ARHGDIA: variants seen among roughly 807,000 people sequenced by gnomAD.
ARHGDIA encodes the protein Rho GDP dissociation inhibitor alpha, also known as rho GDP-dissociation inhibitor 1.
In ARHGDIA, 9 loss-of-function variants were observed where a neutral mutation model predicts 25.0. The observed-to-expected ratio is 0.36, with a 90% CI of 0.22 to 0.63. The LOEUF (loss-of-function observed/expected upper bound fraction) is 0.63, where lower values mean the gene tolerates loss of function less well. ARHGDIA is among the 20% of genes least tolerant of loss of function. The pLI is 0.69. For synonymous variants in ARHGDIA, 166 were observed against 111.5 expected (o/e 1.49, Z -3.08); for missense variants, 239 against 264.3 (o/e 0.90, Z 0.66).
In ARHGDIA at chr17:81,868,297, G is replaced by C. The variant is rs2039111664; in HGVS notation, c.*579C>G. 9 of 1,370,216 alleles carry C rather than the reference G, an allele frequency of 6.6e-6. No individual in the cohort carries two copies. Among genetic ancestry groups the C allele is most frequent in the Non-Finnish European group, 8.6e-6 (9 of 1,051,398 alleles). 84.9% of individuals were successfully genotyped at this position (1,370,216 alleles called of 1,614,324 possible). On this transcript the variant is annotated 3_prime_UTR_variant, in exon 6 of 6. Transcript: ENST00000269321. Reference sequence around the variant, plus strand: ...GGGTTCGCCACCGGGGAAGGGACGGGGAGGCCACATGCTCATGCAGACACA... The same window carrying C: ...GGGTTCGCCACCGGGGAAGGGACGGCGAGGCCACATGCTCATGCAGACACA...
rs1567850052 is a variant in ARHGDIA at position 81,868,720 on chromosome 17, G to A, written c.*156C>T. The A allele has an allele frequency of 8.5e-6, 13 of 1,534,024 alleles. No homozygotes were observed. The highest frequency in any genetic ancestry group is 9.6e-6 in the Non-Finnish European group (11 of 1,145,988). ...GGGAGGGCTGAGGAGGGGGGTCGGAGGCACTCGGTTGAGCCAGGCCAGGGA... is the reference window on the plus strand; with the variant it reads ...GGGAGGGCTGAGGAGGGGGGTCGGAAGCACTCGGTTGAGCCAGGCCAGGGA... On this transcript the variant is annotated 3_prime_UTR_variant, in exon 6 of 6. Coordinates refer to ENST00000269321, the MANE Select transcript of ARHGDIA (RefSeq NM_004309.6).
rs1598278465 is a variant in ARHGDIA at position 81,868,406 on chromosome 17, G to C, written c.*470C>G. Reference sequence around the variant, plus strand: ...AGACGGGACCGACAGCGACAAGGGGGCTGGCCAGGGAGCAGCGGGGCTGGA... The same window carrying C: ...AGACGGGACCGACAGCGACAAGGGGCCTGGCCAGGGAGCAGCGGGGCTGGA... On this transcript the variant is annotated 3_prime_UTR_variant, in exon 6 of 6. Transcript: ENST00000269321. 6 of 1,448,198 alleles carry C rather than the reference G, an allele frequency of 4.1e-6. No homozygotes were observed. Among genetic ancestry groups the C allele is most frequent in the Non-Finnish European group, 5.4e-6 (6 of 1,104,598 alleles). The allele number at this position is 1,448,198 out of a possible 1,614,324, so 89.7% of individuals were successfully genotyped here. A position where few individuals can be genotyped will look rare whatever the true frequency, so the allele number is the denominator to read the frequency against.
Position 81,869,223 on chromosome 17 carries a change from ATC to A in ARHGDIA, c.363_364del (p.Glu121AspfsTer19). 1 of 1,613,888 alleles carries A rather than the reference ATC, an allele frequency of 6.2e-7. No individual in the cohort carries two copies. Among genetic ancestry groups the A allele is most frequent in the Non-Finnish European group, 8.5e-7 (1 of 1,179,960 alleles). On this transcript the variant is annotated frameshift_variant, in exon 5 of 6. Coordinates refer to ENST00000269321, the MANE Select transcript of ARHGDIA (RefSeq NM_004309.6). LOFTEE classifies it high-confidence loss of function. ...CTGGATGTACTTCATGCCGGACACT[ATC>A]TCTCGGTTAACCTGCAGGACCCGAA...
rs2039149754 is a variant in ARHGDIA, at chr17:81,868,756, G to C, written c.*120C>G. ...GAGCCAGGCCAGGGAGGCGGACCAG[G>C]GTGGGAGGGGCACGGAGGGCCTGTC... On this transcript the variant is annotated 3_prime_UTR_variant, in exon 6 of 6. Coordinates refer to ENST00000269321, the MANE Select transcript of ARHGDIA (RefSeq NM_004309.6). The C allele has an allele frequency of 1.3e-6, 2 of 1,542,724 alleles. No individual in the cohort carries two copies. Among genetic ancestry groups the C allele is most frequent in the African/African-American group, 1.4e-5 (1 of 73,358 alleles).
rs1006163200 is a variant in ARHGDIA at position 81,868,671 on chromosome 17, C to T, written c.*205G>A. The T allele has an allele frequency of 4.6e-6, 7 of 1,534,696 alleles. No homozygotes were observed. Among genetic ancestry groups the T allele is most frequent in the Non-Finnish European group, 4.4e-6 (5 of 1,146,726 alleles). On this transcript the variant is annotated 3_prime_UTR_variant, in exon 6 of 6. Transcript: ENST00000269321. ...CAGAAGCAGCAACGAGACAGGAGACCGAGGAGGCTGGGCCTGTGGGTGGGG... is the reference window on the plus strand; with the variant it reads ...CAGAAGCAGCAACGAGACAGGAGACTGAGGAGGCTGGGCCTGTGGGTGGGG...
chr17:81,868,723 AC>A lies in ARHGDIA; in HGVS notation c.*152del. The A allele has an allele frequency of 6.6e-7, 1 of 1,524,150 alleles. No homozygotes were observed. 94.4% of individuals were successfully genotyped at this position (1,524,150 alleles called of 1,614,324 possible). On this transcript the variant is annotated 3_prime_UTR_variant, in exon 6 of 6. Coordinates refer to ENST00000269321, the MANE Select transcript of ARHGDIA (RefSeq NM_004309.6). ...AGGGCTGAGGAGGGGGGTCGGAGGC[AC>A]TCGGTTGAGCCAGGCCAGGGAGGCG...
Position 81,869,926 on chromosome 17 carries a change from G to A in ARHGDIA, c.5C>T (p.Ala2Val). Residue 2 changes from alanine to valine, a missense_variant, in exon 2 of 6, where the codon GCT (alanine) becomes GTT (valine). Physicochemically the swap from Ala to Val is moderately conservative, Grantham distance 64. Around this residue, in one of 3 missense-constraint regions of ARHGDIA, gnomAD observed 135 missense variants for 119.8 expected, o/e 1.13. Coordinates refer to ENST00000269321, the MANE Select transcript of ARHGDIA (RefSeq NM_004309.6). Reference sequence around the variant, plus strand: ...CTGCTCGGCTGTGGGCTCCTGCTCAGCCATGCTCAAGCTTAGCCTGGGTCG... The same window carrying A: ...CTGCTCGGCTGTGGGCTCCTGCTCAACCATGCTCAAGCTTAGCCTGGGTCG... M[A>V]EQEPTAEQLA... is the part of the protein sequence containing the mutation. 1 of 1,613,204 alleles carries A rather than the reference G, an allele frequency of 6.2e-7. No individual in the cohort carries two copies. Among genetic ancestry groups the A allele is most frequent in the Middle Eastern group, 1.7e-4 (1 of 5,920 alleles).
chr17:81,870,855 C>T (rs2039275237), intron 1 of ARHGDIA: 1 of 151,880 alleles, frequency 6.6e-6, no homozygotes, highest in African/African-American at 2.4e-5. Flanking sequence ...GGCCCGGGCG[C>T]TGGGGGAGGC....
At position 81,868,619 on chromosome 17, in the gene ARHGDIA, T is replaced by C; in HGVS notation, c.*257A>G. 2 of 1,535,430 alleles carry C rather than the reference T, an allele frequency of 1.3e-6. No homozygotes were observed. The highest frequency in any genetic ancestry group is 1.7e-6 in the Non-Finnish European group (2 of 1,146,732). On this transcript the variant is annotated 3_prime_UTR_variant, in exon 6 of 6. Transcript: ENST00000269321. ...ACAGAAAGGGCAGCAGAGGCCTGGC[T>C]GCGGCCTCTCTCCCCCACAGCACAG...
In ARHGDIA at chr17:81,869,426, C is replaced by G. The variant is rs372602369; in HGVS notation, c.275-20G>C. On this transcript the variant is annotated intron_variant, in intron 3 of 5. Coordinates refer to ENST00000269321, the MANE Select transcript of ARHGDIA (RefSeq NM_004309.6). ...GGTCGCCTGTTGGGGGGACCTCCCC[C>G]TCAATGACTGCCCAGCAGCCCTGCG... The G allele has an allele frequency of 1.9e-6, 3 of 1,612,962 alleles. No individual in the cohort carries two copies. Among genetic ancestry groups the G allele is most frequent in the African/African-American group, 2.7e-5 (2 of 74,582 alleles).
At chr17:81,870,784 G>C (rs1201687816) in intron 1 of ARHGDIA, 3 of 152,084 alleles carry the variant, frequency 2.0e-5, no homozygotes, top group African/African-American at 7.2e-5. Flanking sequence ...GATAGCCGTA[G>C]GCGCCGGGAT....
Position 81,870,367 on chromosome 17 carries a change from G to T in ARHGDIA, c.-27-410C>A, listed in dbSNP as rs545735192. ...GGGTAACGGGGCTCGGTATCCCTCAGTAGGGTTGCTCCTCTGGCCGTGGTA... is the reference window on the plus strand; with the variant it reads ...GGGTAACGGGGCTCGGTATCCCTCATTAGGGTTGCTCCTCTGGCCGTGGTA... On this transcript the variant is annotated intron_variant, in intron 1 of 5. Transcript: ENST00000269321. 168 of 177,902 alleles carry T rather than the reference G, an allele frequency of 9.4e-4. 1 individual carries two copies. Among genetic ancestry groups the T allele is most frequent in the Non-Finnish European group, 1.8e-3 (150 of 83,686 alleles). The allele number at this position is 177,902 out of a possible 1,614,324, so 11.0% of individuals were successfully genotyped here.
Position 81,869,180 on chromosome 17 carries a change from G to A in ARHGDIA, c.408C>T (p.Gly136=). The change falls in exon 5 of 6, where the codon GGC becomes GGT. Residue 136 remains glycine, a synonymous_variant. Coordinates refer to ENST00000269321, the MANE Select transcript of ARHGDIA (RefSeq NM_004309.6). ...MKYIQHTYRK[G]VKIDKTDYMV... The stretch of plus-strand genomic sequence containing the variant: ...GCCCGGGGCCCCACTCACTCTTGAC[G>A]CCTTTCCTGTACGTATGCTGGATGT... The A allele has an allele frequency of 6.2e-7, 1 of 1,614,010 alleles. No homozygotes were observed. The highest frequency in any genetic ancestry group is 8.5e-7 in the Non-Finnish European group (1 of 1,179,978).
At position 81,868,441 on chromosome 17, in the gene ARHGDIA, G is replaced by T; in HGVS notation, c.*435C>A. 6.8e-7 allele frequency: 1 copy of T among 1,475,136 alleles called. No homozygotes were observed. The highest frequency in any genetic ancestry group is 9.0e-7 in the Non-Finnish European group (1 of 1,115,914). 91.4% of individuals were successfully genotyped at this position (1,475,136 alleles called of 1,614,324 possible). A position where few individuals can be genotyped will look rare whatever the true frequency, so the allele number is the denominator to read the frequency against. On this transcript the variant is annotated 3_prime_UTR_variant, in exon 6 of 6. Transcript: ENST00000269321. ...GAGCAGCGGGGCTGGAGGACGGCCC[G>T]GCCCCCACGAGGCCGTGCATCCCAC... is the stretch of plus-strand genomic sequence containing the variant.
At position 81,868,484 on chromosome 17, in the gene ARHGDIA, G is replaced by A. The variant is rs1026307601; in HGVS notation, c.*392C>T. On this transcript the variant is annotated 3_prime_UTR_variant, in exon 6 of 6. Transcript: ENST00000269321. ...CATCCCACACCCCAGCTCCACCCCG[G>A]AGCAGCAGACGCACACGTCCAGGGG... 6.6e-7 allele frequency: 1 copy of A among 1,524,354 alleles called. No homozygotes were observed. The highest frequency in any genetic ancestry group is 8.8e-7 in the Non-Finnish European group (1 of 1,139,590). 94.4% of individuals were successfully genotyped at this position (1,524,354 alleles called of 1,614,324 possible). A position where few individuals can be genotyped will look rare whatever the true frequency, so the allele number is the denominator to read the frequency against.
Position 81,869,762 on chromosome 17 carries a change from C to A in ARHGDIA, c.169G>T (p.Gly57Cys). 6.2e-7 allele frequency: 1 copy of A among 1,613,580 alleles called. No homozygotes were observed. The highest frequency in any genetic ancestry group is 8.5e-7 in the Non-Finnish European group (1 of 1,179,838). Reference sequence around the variant, plus strand: ...TCACCTGCGGAAACGGCCACGCGGCCCAGCAGGGCCTCCTTGTACTTTCGC... The same window carrying A: ...TCACCTGCGGAAACGGCCACGCGGCACAGCAGGGCCTCCTTGTACTTTCGC... Reference protein sequence around the residue: ...SLRKYKEALLGRVAVSADPNV... With the variant: ...SLRKYKEALLCRVAVSADPNV... The change falls in exon 2 of 6, where the codon GGC becomes TGC. Residue 57 changes from glycine to cysteine, a missense_variant. This residue lies in a region of ARHGDIA where 135 missense variants were observed against 119.8 expected (regional missense o/e 1.13). Transcript: ENST00000269321.
rs1000866967 is a variant in ARHGDIA, at chr17:81,867,984, G to T, written c.*892C>A. The T allele has an allele frequency of 1.1e-5, 2 of 186,324 alleles. No individual in the cohort carries two copies. The highest frequency in any genetic ancestry group is 2.7e-4 in the East Asian group (2 of 7,528). 11.5% of individuals were successfully genotyped at this position (186,324 alleles called of 1,614,324 possible). ...ACGGACGGAGGCAATAAATACTGATGGCCAGGCGGGGCTCCTGGCTGGGCC... is the reference window on the plus strand; with the variant it reads ...ACGGACGGAGGCAATAAATACTGATTGCCAGGCGGGGCTCCTGGCTGGGCC... On this transcript the variant is annotated 3_prime_UTR_variant, in exon 6 of 6. Transcript: ENST00000269321.
chr17:81,868,698 A>G lies in ARHGDIA; in HGVS notation c.*178T>C, dbSNP rs1020756197. 8.6e-6 allele frequency: 13 copies of G among 1,504,532 alleles called. No individual in the cohort carries two copies. The African/African-American group carries it at 1.5e-4, about 17-fold the overall frequency. 93.2% of individuals were successfully genotyped at this position (1,504,532 alleles called of 1,614,324 possible). ...AGGAGGCTGGGCCTGTGGGTGGGGG[A>G]GGGCTGAGGAGGGGGGTCGGAGGCA... is the stretch of plus-strand genomic sequence containing the variant. On this transcript the variant is annotated 3_prime_UTR_variant, in exon 6 of 6. Coordinates refer to ENST00000269321, the MANE Select transcript of ARHGDIA (RefSeq NM_004309.6).
chr17:81,870,201 C>G, intron 1 of ARHGDIA: 1 of 477,158 alleles, frequency 2.1e-6, no homozygotes, highest in Non-Finnish European at 3.8e-6. Context: ...GGACACACCT[C>G]CCCCTCCACG....
Sources: gnomAD v4.1 joint callset for allele counts on GRCh38, gnomAD v4.1.1 for gene constraint, gnomAD v4.1.1 regional missense constraint, MANE v1.5 for transcripts, NCBI Gene and HGNC (gene_info 2026-07-23, HGNC 2026-07-21) for gene names.